SYNPO2: variants seen among roughly 807,000 people sequenced by gnomAD.
SYNPO2 encodes the protein synaptopodin 2, also known as synaptopodin-2.
A neutral mutation model predicts 85.0 loss-of-function variants in SYNPO2; 56 were observed. The ratio of observed to expected loss-of-function variants is 0.66; its 90% CI spans 0.53 to 0.82. SYNPO2 has a LOEUF of 0.82. SYNPO2 is among the 40% of genes least tolerant of loss of function. SYNPO2 has a pLI of 0.00. For missense variants in SYNPO2, 1,575 were observed against 1,534.2 expected (o/e 1.03, Z -0.44); for synonymous variants, 602 against 591.1 (o/e 1.02, Z -0.27).
intron 1 of SYNPO2, among the ~76,000 whole-genome samples, chr4:119,006,686 G>A (rs992025028): frequency 1.3e-5 from 2 of 152,086 alleles, no homozygotes; most frequent in Non-Finnish European, 2.9e-5. Flanking sequence ...AAAGAAGCAG[G>A]CAGGTTGTTT....
intron 1 of SYNPO2, among the ~76,000 whole-genome samples, chr4:118,870,777 A>C (rs1731786076): frequency 6.6e-6 from 1 of 152,168 alleles, no homozygotes. Context: ...ATAAATAGCT[A>C]ATGCATGCAG....
At chr4:118,976,172 A>T (rs1735725736) in intron 1 of SYNPO2, among the ~76,000 whole-genome samples, 2 of 151,720 alleles carry the variant, frequency 1.3e-5, no homozygotes, top group African/African-American at 4.8e-5. Flanking sequence ...GCACGTCTGG[A>T]GTCTGTCCCT....
In SYNPO2 at chr4:119,012,710, C is replaced by T. The variant is rs570502216; in HGVS notation, c.106-10720C>T. ...GTGGTTTCCAGCTTCATCCACGTCCCTTCAAAGGACATTAACTCCTTCTTT... is the reference window on the plus strand; with the variant it reads ...GTGGTTTCCAGCTTCATCCACGTCCTTTCAAAGGACATTAACTCCTTCTTT... On this transcript the variant is annotated intron_variant, in intron 1 of 4. Transcript: ENST00000307142. Among the ~76,000 whole-genome samples, 5 of 152,282 alleles carry T rather than the reference C, an allele frequency of 3.3e-5. No individual in the cohort carries two copies. The East Asian group carries it at 9.6e-4, about 29-fold the overall frequency.
chr4:118,929,334 T>C (rs1342961545), intron 1 of SYNPO2, among the ~76,000 whole-genome samples: 1 of 152,156 alleles, frequency 6.6e-6, no homozygotes, highest in Non-Finnish European at 1.5e-5. Context: ...GGAATGTTTC[T>C]AAGTTTGCAT....
At position 119,027,352 on chromosome 4, in the gene SYNPO2, T is replaced by C; in HGVS notation, c.983T>C (p.Val328Ala). The change falls in exon 3 of 5, where the codon GTC becomes GCC. Residue 328 changes from valine to alanine, a missense_variant. By Grantham distance (64) the Val-to-Ala change is moderately conservative. This residue lies in a region of SYNPO2 where 1,508 missense variants were observed against 1,446.8 expected (regional missense o/e 1.04). Transcript: ENST00000307142. ...CCTCCTTCTCTGGTATCCTTTGCCG[T>C]CTCATCAGAAGGCACAGAGCAGGGA... The part of the protein sequence containing the change: ...EAPPSLVSFA[V>A]SSEGTEQGED... The C allele has an allele frequency of 3.7e-6, 6 of 1,613,834 alleles. No homozygotes were observed. Among genetic ancestry groups the C allele is most frequent in the Non-Finnish European group, 5.1e-6 (6 of 1,180,008 alleles).
At chr4:119,029,384 A>G (rs1738115777) in intron 3 of SYNPO2, among the ~76,000 whole-genome samples, 2 of 152,102 alleles carry the variant, frequency 1.3e-5, no homozygotes, top group South Asian at 4.1e-4. Context: ...TCTTCTTGGG[A>G]CGCTCCTCCC....
chr4:119,035,025 C>T (rs575628351), intron 4 of SYNPO2: 262 of 985,446 alleles, frequency 2.7e-4, no homozygotes, highest in Non-Finnish European at 3.0e-4. Context: ...TCCACGAAGT[C>T]GGTTTTCATT....
At chr4:118,872,462 T>C (rs1228509491) in intron 1 of SYNPO2, among the ~76,000 whole-genome samples, 2 of 152,214 alleles carry the variant, frequency 1.3e-5, no homozygotes, top group Non-Finnish European at 2.9e-5. Context: ...TTAAAAATGA[T>C]TATAGTCATG....
intron 1 of SYNPO2, among the ~76,000 whole-genome samples, chr4:119,012,199 A>G (rs1737336047): frequency 6.6e-6 from 1 of 152,006 alleles, no homozygotes; most frequent in African/African-American, 2.4e-5. Flanking sequence ...CTGGGATTAT[A>G]GGCATGAACC....
chr4:119,038,211 C>T, intron 4 of SYNPO2: 1 of 985,348 alleles, frequency 1.0e-6, no homozygotes, highest in Non-Finnish European at 1.2e-6. Flanking sequence ...CAAACTGATT[C>T]ACCAAGAGCC....
intron 1 of SYNPO2, among the ~76,000 whole-genome samples, chr4:118,974,196 C>T (rs755925239): frequency 2.0e-5 from 3 of 152,100 alleles, no homozygotes; most frequent in Admixed American, 1.3e-4. Flanking sequence ...GGGAATCAGC[C>T]GTAGCAAGTG....
intron 1 of SYNPO2, among the ~76,000 whole-genome samples, chr4:119,002,417 C>A (rs892980069): frequency 2.0e-5 from 3 of 152,096 alleles, no homozygotes; most frequent in Admixed American, 1.3e-4. Context: ...CTTACCACCA[C>A]GCCTGGCTAA....
At chr4:118,936,751 A>T (rs907189909) in intron 1 of SYNPO2, among the ~76,000 whole-genome samples, 1 of 152,188 alleles carries the variant, frequency 6.6e-6, no homozygotes. Context: ...ACAATTATCT[A>T]TTAAGCCTGT....
chr4:118,858,192 C>G (rs1337230294), intron 1 of SYNPO2, among the ~76,000 whole-genome samples: 1 of 152,134 alleles, frequency 6.6e-6, no homozygotes, highest in Non-Finnish European at 1.5e-5. Context: ...TGGCCTTTGG[C>G]TAAATCTGGG....
chr4:118,962,532 AT>A (rs1735139375), intron 1 of SYNPO2, among the ~76,000 whole-genome samples: 1 of 152,312 alleles, frequency 6.6e-6, no homozygotes, highest in African/African-American at 2.4e-5. Flanking sequence ...CATTTTCCTA[AT>A]TATAAAGGGT....
At chr4:119,007,225 T>TATATATATATAC (rs1737069055) in intron 1 of SYNPO2, among the ~76,000 whole-genome samples, 1 of 48,336 alleles carries the variant, frequency 2.1e-5, no homozygotes, top group Non-Finnish European at 3.6e-5. Flanking sequence ...GGTATATATA[T>TATATATATATAC]ATATATATAT....
At chr4:119,026,535 C>T in intron 2 of SYNPO2, 92 bp from the exon 3 acceptor site, 1 of 1,329,944 alleles carries the variant, frequency 7.5e-7, no homozygotes, top group Non-Finnish European at 1.0e-6. Context: ...TTGACTATAT[C>T]ACATATTAGA....
In SYNPO2 at chr4:119,031,747, A is replaced by T. The variant is rs746680744; in HGVS notation, c.2972A>T (p.Lys991Met). 6.8e-6 allele frequency: 11 copies of T among 1,614,218 alleles called. 1 individual carries two copies. The South Asian group carries it at 1.2e-4, about 18-fold the overall frequency. Reference sequence around the variant, plus strand: ...GATGCAAAGGATGGCCTCCCCCAGAAGTCATCAGTCAAGGTCAATTCAGCC... The same window carrying T: ...GATGCAAAGGATGGCCTCCCCCAGATGTCATCAGTCAAGGTCAATTCAGCC... ...PPDAKDGLPQ[K>M]SSVKVNSALA... The change falls in exon 4 of 5, where the codon AAG becomes ATG. Residue 991 changes from lysine to methionine, a missense_variant. This residue lies in a region of SYNPO2 where 1,508 missense variants were observed against 1,446.8 expected (regional missense o/e 1.04). Transcript: ENST00000307142.
intron 1 of SYNPO2, among the ~76,000 whole-genome samples, chr4:118,908,249 T>C (rs1733002681): frequency 6.6e-6 from 1 of 152,140 alleles, no homozygotes; most frequent in African/African-American, 2.4e-5. Flanking sequence ...ATTAAGAATA[T>C]GTGAATTAAT....
Sources: gnomAD v4.1 joint callset for allele counts (sites outside exome capture counted in the v4.1 genomes callset) on GRCh38, gnomAD v4.1.1 for gene constraint, gnomAD v4.1.1 regional missense constraint, MANE v1.5 for transcripts, NCBI Gene and HGNC (gene_info 2026-07-23, HGNC 2026-07-21) for gene names.